Variants in PRPSAP1 observed in about 807,000 individuals in gnomAD.
PRPSAP1 encodes phosphoribosyl pyrophosphate synthetase associated protein 1.
A neutral mutation model predicts 39.4 loss-of-function variants in PRPSAP1; 31 were observed. The observed-to-expected ratio is 0.79, with a 90% CI of 0.59 to 1.06. The LOEUF (loss-of-function observed/expected upper bound fraction) is 1.06, where lower values mean the gene tolerates loss of function less well. PRPSAP1 is among the 50% of genes least tolerant of loss of function. The probability of loss-of-function intolerance (pLI) is 0.00; values close to 1 mark genes in which losing one functional copy is unlikely to be tolerated. For synonymous variants in PRPSAP1, 212 were observed against 192.6 expected, an observed-to-expected ratio of 1.10 and a Z score of -0.83; for missense variants, 430 against 511.6, an observed-to-expected ratio of 0.84 and a Z score of 1.54.
intron 5 of PRPSAP1, 143 bp downstream of exon 5, chr17:76,330,408 G>T: frequency 1.5e-6 from 1 of 665,386 alleles, no homozygotes; most frequent in Non-Finnish European, 2.5e-6. Flanking sequence ...CACGACTAAA[G>T]CTGACCCTGT....
intron 1 of PRPSAP1, among the ~76,000 whole-genome samples, chr17:76,350,908 G>A (rs1278113377): frequency 6.6e-6 from 1 of 152,098 alleles, no homozygotes; most frequent in Non-Finnish European, 1.5e-5. Context: ...GGTGCAGCCT[G>A]TAATCCCAGC....
At chr17:76,313,725 G>T in intron 8 of PRPSAP1, 96 bp downstream of exon 8, 1 of 1,349,308 alleles carries the variant, frequency 7.4e-7, no homozygotes. Flanking sequence ...GGATCCATTC[G>T]GATCATCGTT....
intron 3 of PRPSAP1, among the ~76,000 whole-genome samples, chr17:76,333,876 T>A (rs588360): frequency 0.37 from 46,964 of 128,032 alleles, 8,695 homozygotes; most frequent in African/African-American, 0.54. Context: ...TCATTCATTC[T>A]TTCTTTCACT....
intron 7 of PRPSAP1, chr17:76,314,216 G>T (rs1030804427): frequency 1.0e-5 from 3 of 289,722 alleles, no homozygotes; most frequent in Non-Finnish European, 2.0e-5. Context: ...ATGTATGTAT[G>T]TATGTATGTA....
Position 76,310,445 on chromosome 17 carries a change from C to A in PRPSAP1, c.*1097G>T, listed in dbSNP as rs6501884. ...TCGGCCTCCCAAAGTGCAGGGATTA[C>A]AGGCATAAGACACGATCCCTGGCCT... On this transcript the variant is annotated 3_prime_UTR_variant, in exon 10 of 10. Coordinates refer to ENST00000446526, the MANE Select transcript of PRPSAP1 (RefSeq NM_002766.3). 26,753 of 151,412 alleles carry A rather than the reference C, an allele frequency of 0.18. 2,777 individuals are homozygous for A. Among genetic ancestry groups the A allele is most frequent in the East Asian group, 0.52 (2,673 of 5,158 alleles). The allele number at this position is 151,412 out of a possible 1,614,324, so 9.4% of individuals were successfully genotyped here.
At chr17:76,340,314 C>T (rs1283283492) in intron 3 of PRPSAP1, among the ~76,000 whole-genome samples, 1 of 151,734 alleles carries the variant, frequency 6.6e-6, no homozygotes, top group Admixed American at 6.6e-5. Flanking sequence ...ACTCAAGATA[C>T]AAGTGAGAAA....
rs1469924424 is a variant in PRPSAP1, at chr17:76,310,155, CCCGG to C, written c.*1383_*1386del. On this transcript the variant is annotated 3_prime_UTR_variant, in exon 10 of 10. Transcript: ENST00000446526. ...CAGGCGTGCACCCCCTCCCCCAACA[CCCGG>C]CTAATTTTTGTATTTTTAGTAGGGA... The C allele has an allele frequency of 4.0e-5, 6 of 151,894 alleles. No individual in the cohort carries two copies. Among genetic ancestry groups the C allele is most frequent in the African/African-American group, 1.5e-4 (6 of 41,362 alleles). The allele number at this position is 151,894 out of a possible 1,614,324, so 9.4% of individuals were successfully genotyped here. A position where few individuals can be genotyped will look rare whatever the true frequency, so the allele number is the denominator to read the frequency against.
intron 7 of PRPSAP1, 131 bp from the exon 8 acceptor site, chr17:76,314,022 T>A (rs2071095453): frequency 1.1e-6 from 1 of 888,964 alleles, no homozygotes; most frequent in Non-Finnish European, 1.8e-6. Flanking sequence ...CCATGCAAAT[T>A]CCCCCTCAAT....
chr17:76,318,405 G>A (rs950818712), intron 7 of PRPSAP1, among the ~76,000 whole-genome samples: 2 of 152,224 alleles, frequency 1.3e-5, no homozygotes, highest in Admixed American at 6.5e-5. Context: ...AGCTGGGATC[G>A]CACCACTGCA....
At chr17:76,325,003 G>C (rs2071238894) in intron 7 of PRPSAP1, among the ~76,000 whole-genome samples, 1 of 149,644 alleles carries the variant, frequency 6.7e-6, no homozygotes, top group South Asian at 2.1e-4. Context: ...GGGGGGTGGA[G>C]CTTGCAGTGA....
At chr17:76,315,670 T>C (rs1009054045) in intron 7 of PRPSAP1, among the ~76,000 whole-genome samples, 5 of 148,542 alleles carry the variant, frequency 3.4e-5, no homozygotes, top group Admixed American at 2.0e-4. Context: ...AATTAAACCA[T>C]GTAAACACGC....
intron 7 of PRPSAP1, among the ~76,000 whole-genome samples, chr17:76,318,892 C>G (rs1308373729): frequency 6.6e-6 from 1 of 152,166 alleles, no homozygotes; most frequent in Non-Finnish European, 1.5e-5. Flanking sequence ...GATAATACAA[C>G]ATCTATCAAA....
chr17:76,333,269 C>T (rs1407077548), intron 3 of PRPSAP1, among the ~76,000 whole-genome samples: 2 of 152,116 alleles, frequency 1.3e-5, no homozygotes, highest in Non-Finnish European at 2.9e-5. Flanking sequence ...CACCACCACA[C>T]GTGGCTAATT....
At chr17:76,320,954 AT>A (rs577238882) in intron 7 of PRPSAP1, among the ~76,000 whole-genome samples, 3 of 143,566 alleles carry the variant, frequency 2.1e-5, no homozygotes, top group Non-Finnish European at 4.6e-5. Context: ...AATTTTTTGT[AT>A]TTTTTTTTGT....
At chr17:76,347,535 AAG>A (rs1281797922) in intron 2 of PRPSAP1, among the ~76,000 whole-genome samples, 1 of 150,690 alleles carries the variant, frequency 6.6e-6, no homozygotes, top group Non-Finnish European at 1.5e-5. Flanking sequence ...AGTGAGGGGA[AAG>A]AGAGAGACAG....
At chr17:76,313,643 T>G (rs2071091671) in intron 8 of PRPSAP1, 178 bp downstream of exon 8, 1 of 625,772 alleles carries the variant, frequency 1.6e-6, no homozygotes. Flanking sequence ...TAGGTTATAC[T>G]TTAATGTATG....
chr17:76,319,096 G>C (rs9907526), intron 7 of PRPSAP1, among the ~76,000 whole-genome samples: 40,897 of 151,554 alleles, frequency 0.27, 6,235 homozygotes, highest in East Asian at 0.43. Flanking sequence ...TGTGCCACCA[G>C]GCCTGGCTAA....
chr17:76,332,492 G>T, intron 3 of PRPSAP1, 57 bp from the exon 4 acceptor site: 1 of 1,589,436 alleles, frequency 6.3e-7, no homozygotes. Flanking sequence ...CCCTAGAAAA[G>T]ATCTTGACTT....
chr17:76,320,409 C>G, intron 7 of PRPSAP1, among the ~76,000 whole-genome samples: 1 of 141,712 alleles, frequency 7.1e-6, no homozygotes, highest in South Asian at 2.3e-4. Flanking sequence ...CTTTATGTTG[C>G]TTTGCAGATA....
Sources: allele counts gnomAD v4.1 joint callset (sites outside exome capture counted in the v4.1 genomes callset), GRCh38; gene constraint gnomAD v4.1.1; transcripts MANE v1.5; gene names NCBI Gene and HGNC (gene_info 2026-07-23, HGNC 2026-07-21).